Variants in SLC36A1 observed in about 807,000 individuals in gnomAD.
The protein encoded by SLC36A1 is proton-coupled amino acid transporter 1.
A neutral mutation model predicts 47.5 loss-of-function variants in SLC36A1; 30 were observed. That is an observed-to-expected ratio of 0.63 (90% CI 0.47 to 0.86). The LOEUF is 0.86. Ranked by LOEUF, SLC36A1 falls within the 40% of genes least tolerant of loss-of-function variation. The pLI is 0.00. For missense variants in SLC36A1, 517 were observed against 606.0 expected (o/e 0.85, Z 1.54); for synonymous variants, 255 against 249.7 (o/e 1.02, Z -0.20).
chr5:151,507,524 T>C, the SLC36A1 span: 100 of 1,614,004 alleles, frequency 6.2e-5, no homozygotes, highest in Non-Finnish European at 8.1e-5. Flanking sequence ...TGATGATCAG[T>C]AACTCCTGCT....
chr5:151,464,585 T>G lies in SLC36A1; in HGVS notation c.306T>G (p.Ala102=). The G allele has an allele frequency of 6.2e-7, 1 of 1,614,098 alleles. No homozygotes were observed. The highest frequency in any genetic ancestry group is 1.7e-5 in the Admixed American group (1 of 60,018). The change falls in exon 4 of 11, where the codon GCT becomes GCG. Residue 102 remains alanine (A), a synonymous_variant. Coordinates refer to ENST00000243389, the MANE Select transcript of SLC36A1 (RefSeq NM_078483.4). Reference sequence around the variant, plus strand: ...GCATGGGTATCCTGGTGAAATGTGCTCACCACTTCTGCCGCAGGTGAGAGC... The same window carrying G: ...GCATGGGTATCCTGGTGAAATGTGCGCACCACTTCTGCCGCAGGTGAGAGC... The part of the protein sequence containing the change: ...VHCMGILVKC[A]HHFCRRLNKS...
At chr5:151,382,353 C>A in the SLC36A1 span, 1 of 790,504 alleles carries the variant, frequency 1.3e-6, no homozygotes, top group Non-Finnish European at 2.1e-6. Flanking sequence ...TCTGGCCATG[C>A]GCCAGCTCAA....
At chr5:151,525,957 G>A in the SLC36A1 span, 1 of 1,614,100 alleles carries the variant, frequency 6.2e-7, no homozygotes, top group Non-Finnish European at 8.5e-7. Flanking sequence ...TGCCAATGGG[G>A]GAGTTCTCCT....
upstream of SLC36A1, among the ~76,000 whole-genome samples, chr5:151,435,817 G>A (rs939781326): frequency 6.7e-6 from 1 of 149,072 alleles, no homozygotes; most frequent in African/African-American, 2.5e-5. Context: ...AGGTAAATAT[G>A]ACTATAAATA....
the SLC36A1 span, chr5:151,380,741 T>C: frequency 5.5e-6 from 3 of 543,884 alleles, no homozygotes; most frequent in East Asian, 5.1e-5. Context: ...CAAGATGAAG[T>C]GGGAAGCCCC....
At chr5:151,546,158 C>T in the SLC36A1 span, 3 of 1,614,128 alleles carry the variant, frequency 1.9e-6, no homozygotes, top group Non-Finnish European at 2.5e-6. Flanking sequence ...AAGATGGGGG[C>T]ACTCCTATCT....
rs1444337284 is a variant in SLC36A1 at position 151,467,202 on chromosome 5, T to A, written c.423T>A (p.Arg141=). 1 of 1,607,604 alleles carries A rather than the reference T, an allele frequency of 6.2e-7. No individual in the cohort carries two copies. Among genetic ancestry groups the A allele is most frequent in the East Asian group, 2.2e-5 (1 of 44,846 alleles). ...WLRNHAHWGR[R]VVDFFLIVTQ... The stretch of plus-strand genomic sequence containing the variant: ...TTCCTTCCTTCCCCACCTCCAGACG[T>A]GTTGTGGACTTCTTCCTGATTGTCA... The change falls in exon 6 of 11, where the codon CGT becomes CGA. Residue 141 remains arginine, a synonymous_variant. Coordinates refer to ENST00000243389, the MANE Select transcript of SLC36A1 (RefSeq NM_078483.4).
the SLC36A1 span, among the ~76,000 whole-genome samples, chr5:151,526,201 T>C: frequency 2.6e-5 from 4 of 152,144 alleles, no homozygotes; most frequent in African/African-American, 4.8e-5. Context: ...ACACAGCCCA[T>C]TGGGGCAGGA....
the SLC36A1 span, among the ~76,000 whole-genome samples, chr5:151,374,070 C>A: frequency 6.6e-6 from 1 of 152,164 alleles, no homozygotes; most frequent in African/African-American, 2.4e-5. Flanking sequence ...AGGTGCAAGG[C>A]CCTTGCACCA....
chr5:151,541,124 T>C, the SLC36A1 span, among the ~76,000 whole-genome samples: 1 of 152,202 alleles, frequency 6.6e-6, no homozygotes. Flanking sequence ...AGTGGAGAGA[T>C]AGGAAGCAAT....
At chr5:151,477,795 G>C (rs1002393361) in intron 9 of SLC36A1, among the ~76,000 whole-genome samples, 20 of 152,272 alleles carry the variant, frequency 1.3e-4, no homozygotes, top group Middle Eastern at 3.4e-3. Flanking sequence ...TGGTAGCTTG[G>C]TGTAACTGTG....
the SLC36A1 span, among the ~76,000 whole-genome samples, chr5:151,540,172 AG>A: frequency 6.6e-6 from 1 of 152,218 alleles, no homozygotes; most frequent in African/African-American, 2.4e-5. Flanking sequence ...TTGGGAATGT[AG>A]GGGGAGAGAT....
At chr5:151,513,899 T>C in the SLC36A1 span, among the ~76,000 whole-genome samples, 1 of 152,328 alleles carries the variant, frequency 6.6e-6, no homozygotes, top group South Asian at 2.1e-4. Flanking sequence ...TAACCAAAAC[T>C]TCCCTGGAAT....
Position 151,473,767 on chromosome 5 carries a change from G to A in SLC36A1, c.818G>A (p.Gly273Glu). ...GCGATTTTTTCATTTGAAGGCATTG[G>A]AATGGTAAGAGCTGCACTGTGATTT... ...GTAIFSFEGI[G>E]MVLPLENKMK... is the part of the protein sequence containing the mutation. The change falls in exon 8 of 11, where the codon GGA becomes GAA. Residue 273 changes from glycine (G) to glutamate (E), a missense_variant. Physicochemically the swap from Gly to Glu is moderately conservative, Grantham distance 98. Transcript: ENST00000243389. 1 of 1,612,158 alleles carries A rather than the reference G, an allele frequency of 6.2e-7. No homozygotes were observed. Among genetic ancestry groups the A allele is most frequent in the Non-Finnish European group, 8.5e-7 (1 of 1,178,288 alleles).
chr5:151,388,974 A>C, the SLC36A1 span, among the ~76,000 whole-genome samples: 1 of 152,180 alleles, frequency 6.6e-6, no homozygotes, highest in East Asian at 1.9e-4. Context: ...AATAGAAAAA[A>C]AACCCCACTG....
the SLC36A1 span, among the ~76,000 whole-genome samples, chr5:151,421,109 G>A: frequency 1.3e-5 from 2 of 151,530 alleles, no homozygotes; most frequent in Non-Finnish European, 2.9e-5. Flanking sequence ...TCCTGACCTC[G>A]TGATCCACCC....
rs954398714 is a variant in SLC36A1, at chr5:151,476,477, C to A, written c.823-113C>A. The A allele has an allele frequency of 8.6e-6, 7 of 813,374 alleles. No homozygotes were observed. In the African/African-American group the frequency reaches 1.0e-4, roughly 12 times the overall value. 50.4% of individuals were successfully genotyped at this position (813,374 alleles called of 1,614,324 possible). On this transcript the variant is annotated intron_variant, in intron 8 of 10. Transcript: ENST00000243389. ...CTTTATTTAAAGAGCAGATGTGCTT[C>A]TGGAGAATTCTGGGGATAAAAGAGT... is the stretch of plus-strand genomic sequence containing the variant.
the SLC36A1 span, among the ~76,000 whole-genome samples, chr5:151,367,689 G>T: frequency 3.3e-5 from 5 of 152,142 alleles, no homozygotes; most frequent in Admixed American, 2.6e-4. Context: ...AGGATTAAGA[G>T]TTTATTAAAG....
At chr5:151,399,500 C>T in the SLC36A1 span, among the ~76,000 whole-genome samples, 3 of 152,048 alleles carry the variant, frequency 2.0e-5, no homozygotes, top group Admixed American at 1.3e-4. Context: ...TGATTTAATT[C>T]GAAAGGTTCA....
Sources: gnomAD v4.1 joint callset for allele counts (sites outside exome capture counted in the v4.1 genomes callset) on GRCh38, gnomAD v4.1.1 for gene constraint, MANE v1.5 for transcripts, NCBI Gene and HGNC (gene_info 2026-07-23, HGNC 2026-07-21) for gene names.